FMNL2: variants seen among roughly 807,000 people sequenced by gnomAD.
The protein encoded by FMNL2 is formin like 2.
In FMNL2, 51 loss-of-function variants were observed where a neutral mutation model predicts 130.2. The ratio of observed to expected loss-of-function variants is 0.39; its 90% CI spans 0.31 to 0.49. FMNL2 has a LOEUF of 0.49. FMNL2 is among the 20% of genes least tolerant of loss of function. The pLI is 0.85. For synonymous variants in FMNL2, 465 were observed against 467.1 expected (o/e 1.00, Z 0.06); for missense variants, 977 against 1,316.2 (o/e 0.74, Z 3.99).
intron 1 of FMNL2, among the ~76,000 whole-genome samples, chr2:152,387,064 G>A (rs1357751855): frequency 6.6e-6 from 1 of 152,156 alleles, no homozygotes; most frequent in Non-Finnish European, 1.5e-5. Flanking sequence ...ATGAAAAAGT[G>A]TGGCCTGTCT....
intron 1 of FMNL2, among the ~76,000 whole-genome samples, 153 bp from the exon 2 acceptor site, chr2:152,521,790 C>T (rs900125674): frequency 2.0e-5 from 3 of 152,146 alleles, no homozygotes; most frequent in African/African-American, 7.2e-5. Context: ...GTTTAAGTGA[C>T]TTCTGTGGGT....
intron 21 of FMNL2, among the ~76,000 whole-genome samples, chr2:152,634,079 G>A (rs1682377249): frequency 6.6e-6 from 1 of 152,208 alleles, no homozygotes. Context: ...TGTTTTAGTA[G>A]GTTGGTGCAA....
chr2:152,635,635 T>C (rs895468181), intron 21 of FMNL2, among the ~76,000 whole-genome samples: 2 of 152,222 alleles, frequency 1.3e-5, no homozygotes, highest in African/African-American at 2.4e-5. Context: ...TTTGTCCACG[T>C]GCAGAGTTGA....
At chr2:152,461,129 G>A (rs191068207) in intron 1 of FMNL2, among the ~76,000 whole-genome samples, 14 of 152,242 alleles carry the variant, frequency 9.2e-5, no homozygotes, top group South Asian at 6.2e-4. Context: ...TGATAATTTG[G>A]AACAGAGCTG....
intron 1 of FMNL2, among the ~76,000 whole-genome samples, chr2:152,372,383 T>C (rs1014992058): frequency 6.6e-6 from 1 of 152,248 alleles, no homozygotes; most frequent in Non-Finnish European, 1.5e-5. Context: ...TGCCTTCAGA[T>C]AGCTACATAA....
At chr2:152,518,317 A>T (rs1692891251) in intron 1 of FMNL2, among the ~76,000 whole-genome samples, 1 of 152,138 alleles carries the variant, frequency 6.6e-6, no homozygotes, top group African/African-American at 2.4e-5. Context: ...TGGCTCATGG[A>T]AGGGGTTATT....
intron 1 of FMNL2, among the ~76,000 whole-genome samples, chr2:152,444,326 C>T (rs184878053): frequency 6.6e-6 from 1 of 152,166 alleles, no homozygotes; most frequent in Non-Finnish European, 1.5e-5. Flanking sequence ...GGGAAGGAGA[C>T]CACCGCCCAG....
chr2:152,557,584 A>T (rs1695296732), intron 4 of FMNL2, among the ~76,000 whole-genome samples: 1 of 152,202 alleles, frequency 6.6e-6, no homozygotes, highest in Non-Finnish European at 1.5e-5. Flanking sequence ...CCCTGCCAAA[A>T]ATTAAAACAA....
At chr2:152,390,574 T>A (rs878924575) in intron 1 of FMNL2, 2 of 1,414,390 alleles carry the variant, frequency 1.4e-6, no homozygotes, top group Admixed American at 3.3e-5. Flanking sequence ...AAACAGGAGA[T>A]TCTGAAGAAG....
rs1415189025 is a variant in FMNL2 at position 152,521,926 on chromosome 2, T to C, written c.118-17T>C. The C allele has an allele frequency of 1.9e-6, 3 of 1,603,690 alleles. No individual in the cohort carries two copies. The highest frequency in any genetic ancestry group is 2.2e-5 in the East Asian group (1 of 44,784). On this transcript the variant is annotated splice_polypyrimidine_tract_variant and intron_variant, in intron 1 of 25. Transcript: ENST00000288670. ...GTGGAATGTGACATCTTTTCTCTCT[T>C]TATTTTTTTTAAACAGAATGCTATG...
At chr2:152,643,925 G>A in intron 25 of FMNL2, 1 of 979,676 alleles carries the variant, frequency 1.0e-6, no homozygotes, top group Non-Finnish European at 1.2e-6. Flanking sequence ...TACCTAACAT[G>A]TATTAAGAAC....
intron 12 of FMNL2, among the ~76,000 whole-genome samples, chr2:152,616,327 GTTTTTTTTTTTT>G (rs36107333): frequency 9.1e-6 from 1 of 110,056 alleles, no homozygotes; most frequent in Non-Finnish European, 1.8e-5. Context: ...ATTTTTGTGG[GTTTTTTTTTTTT>G]TTTTTTTTGG....
At chr2:152,588,769 G>T (rs1416469140) in intron 9 of FMNL2, among the ~76,000 whole-genome samples, 1 of 152,062 alleles carries the variant, frequency 6.6e-6, no homozygotes, top group Non-Finnish European at 1.5e-5. Context: ...ATCAGAAAAG[G>T]CCCCCTTGCT....
At chr2:152,500,571 C>T (rs370388211) in intron 1 of FMNL2, among the ~76,000 whole-genome samples, 5 of 152,142 alleles carry the variant, frequency 3.3e-5, no homozygotes, top group East Asian at 1.9e-4. Context: ...AGCATCAAGC[C>T]GGGTGCGATG....
At chr2:152,593,282 T>C (rs1179419023) in intron 9 of FMNL2, among the ~76,000 whole-genome samples, 2 of 151,772 alleles carry the variant, frequency 1.3e-5, no homozygotes, top group Non-Finnish European at 2.9e-5. Context: ...AGAAGATAGA[T>C]ACAAATAGAA....
At chr2:152,387,136 G>A (rs567373601) in intron 1 of FMNL2, among the ~76,000 whole-genome samples, 1 of 150,126 alleles carries the variant, frequency 6.7e-6, no homozygotes, top group South Asian at 2.2e-4. Context: ...GGCAACCACA[G>A]TATATAAATA....
At chr2:152,343,632 G>A (rs1464955430) in intron 1 of FMNL2, among the ~76,000 whole-genome samples, 8 of 152,174 alleles carry the variant, frequency 5.3e-5, no homozygotes, top group African/African-American at 1.9e-4. Flanking sequence ...GCCTGGTGCT[G>A]GGACACTAAC....
In FMNL2 at chr2:152,625,208, C is replaced by T. The variant is rs1488112357; in HGVS notation, c.1838-230C>T. The T allele has an allele frequency of 3.2e-5, 14 of 444,052 alleles. No homozygotes were observed. The East Asian group carries it at 4.3e-4, about 14-fold the overall frequency. 27.5% of individuals were successfully genotyped at this position (444,052 alleles called of 1,614,324 possible). A position where few individuals can be genotyped will look rare whatever the true frequency, so the allele number is the denominator to read the frequency against. ...AGAAAAAAAAAAATCAACCCTTGGCCCTTAAGACGTCTTTTAATACAATGA... is the reference window on the plus strand; with the variant it reads ...AGAAAAAAAAAAATCAACCCTTGGCTCTTAAGACGTCTTTTAATACAATGA... On this transcript the variant is annotated intron_variant, in intron 15 of 25. Coordinates refer to ENST00000288670, the MANE Select transcript of FMNL2 (RefSeq NM_052905.4).
At chr2:152,375,866 T>TCTCC (rs1400013228) in intron 1 of FMNL2, among the ~76,000 whole-genome samples, 5 of 117,918 alleles carry the variant, frequency 4.2e-5, no homozygotes, top group Non-Finnish European at 8.4e-5. Flanking sequence ...TCTCTCTCTC[T>TCTCC]CTCTCTCTCT....
Sources: gnomAD v4.1 joint callset for allele counts (sites outside exome capture counted in the v4.1 genomes callset) on GRCh38, gnomAD v4.1.1 for gene constraint, MANE v1.5 for transcripts, NCBI Gene and HGNC (gene_info 2026-07-23, HGNC 2026-07-21) for gene names.